OIT3: variants seen among roughly 807,000 people sequenced by gnomAD.
OIT3 encodes oncoprotein-induced transcript 3 protein.
OIT3 carries 41 observed loss-of-function variants against 52.2 expected under a neutral mutation model. The observed-to-expected ratio is 0.79, with a 90% CI of 0.61 to 1.02. The LOEUF (loss-of-function observed/expected upper bound fraction) is 1.02, where lower values mean the gene tolerates loss of function less well. OIT3 is among the 50% of genes least tolerant of loss of function. The pLI, the probability that OIT3 is intolerant of heterozygous loss-of-function variation, is 0.00. For synonymous variants in OIT3, 244 were observed against 276.9 expected (o/e 0.88, Z 1.18); for missense variants, 634 against 715.5 (o/e 0.89, Z 1.30).
chr10:72,899,065 C>A, intron 2 of OIT3, 27 bp downstream of exon 2: 1 of 1,568,204 alleles, frequency 6.4e-7, no homozygotes, highest in Non-Finnish European at 8.7e-7. Flanking sequence ...TGCTCTTTTT[C>A]TCCACCAACA....
intron 5 of OIT3, among the ~76,000 whole-genome samples, chr10:72,912,160 C>T (rs556558288): frequency 6.6e-6 from 1 of 152,110 alleles, no homozygotes; most frequent in South Asian, 2.1e-4. Context: ...AGGGTTGAAA[C>T]TAAGTGAACT....
At chr10:72,925,252 T>A (rs1379733364) in intron 7 of OIT3, among the ~76,000 whole-genome samples, 1 of 151,858 alleles carries the variant, frequency 6.6e-6, no homozygotes, top group Admixed American at 6.6e-5. Flanking sequence ...CAAAATGACA[T>A]ATTGAATAAT....
Position 72,913,376 on chromosome 10 carries a change from C to G in OIT3, c.859C>G (p.Leu287Val). The change falls in exon 6 of 9, where the codon CTC (leucine) becomes GTC (valine). Residue 287 changes from leucine (L) to valine (V), a missense_variant. By Grantham distance (32) the Leu-to-Val change is conservative. Coordinates refer to ENST00000334011, the MANE Select transcript of OIT3 (RefSeq NM_152635.3). ...IPRELVGGLE[L>V]FLTNTSCRGV... ...CAGGGAGCTGGTTGGTGGCCTGGAGCTCTTCCTGACCAACACCTCCTGCCG... is the reference window on the plus strand; with the variant it reads ...CAGGGAGCTGGTTGGTGGCCTGGAGGTCTTCCTGACCAACACCTCCTGCCG... 6 of 1,613,356 alleles carry G rather than the reference C, an allele frequency of 3.7e-6. No homozygotes were observed. Among genetic ancestry groups the G allele is most frequent in the Non-Finnish European group, 5.1e-6 (6 of 1,179,326 alleles).
At chr10:72,910,970 G>T (rs2132936008) in intron 4 of OIT3, among the ~76,000 whole-genome samples, 1 of 152,140 alleles carries the variant, frequency 6.6e-6, no homozygotes, top group African/African-American at 2.4e-5. Context: ...TAATGTCCAA[G>T]TCCCACAAAG....
At chr10:72,909,045 A>G (rs1421449410) in intron 4 of OIT3, among the ~76,000 whole-genome samples, 1 of 150,630 alleles carries the variant, frequency 6.6e-6, no homozygotes, top group African/African-American at 2.4e-5. Flanking sequence ...CAGATGGTGA[A>G]TGTAGTACCC....
chr10:72,929,048 A>C lies in OIT3; in HGVS notation c.1368-1490A>C, dbSNP rs533352432. Among the ~76,000 whole-genome samples the C allele has an allele frequency of 7.2e-5, 11 of 152,180 alleles. 1 individual carries two copies. The South Asian group carries it at 2.3e-3, about 32-fold the overall frequency. ...ACATAGTGAGATCCCATCTCTACAA[A>C]AAATGAAAATTAGCCGGGCATGGTG... On this transcript the variant is annotated intron_variant, in intron 7 of 8. Coordinates refer to ENST00000334011, the MANE Select transcript of OIT3 (RefSeq NM_152635.3).
chr10:72,926,925 ATG>A (rs1846174508), intron 7 of OIT3, among the ~76,000 whole-genome samples: 1 of 152,122 alleles, frequency 6.6e-6, no homozygotes, highest in Non-Finnish European at 1.5e-5. Flanking sequence ...ACAAGTTCTG[ATG>A]TGTATACCCA....
chr10:72,913,248 TA>T, intron 5 of OIT3, 59 bp from the exon 6 acceptor site: 1 of 1,404,214 alleles, frequency 7.1e-7, no homozygotes, highest in Non-Finnish European at 9.7e-7. Context: ...TTATTTCTCC[TA>T]AAAGCCTTCC....
chr10:72,928,585 T>C (rs1179211296), intron 7 of OIT3, among the ~76,000 whole-genome samples: 1 of 152,206 alleles, frequency 6.6e-6, no homozygotes, highest in East Asian at 1.9e-4. Flanking sequence ...TATCTTAAGA[T>C]ACTGGACTGT....
In OIT3 at chr10:72,906,666, C is replaced by CT. The variant is rs1845982190; in HGVS notation, c.616dup (p.Cys206LeufsTer2). ...GTGTGAACCTCAAAAACTCCTACCG[C>CT]TGTGAGTGTGGGGTTGGCCGTGTGC... On this transcript the variant is annotated frameshift_variant, in exon 4 of 9. Coordinates refer to ENST00000334011, the MANE Select transcript of OIT3 (RefSeq NM_152635.3). LOFTEE classifies it high-confidence loss of function. The CT allele has an allele frequency of 6.2e-7, 1 of 1,612,196 alleles. No individual in the cohort carries two copies. Among genetic ancestry groups the CT allele is most frequent in the Non-Finnish European group, 8.5e-7 (1 of 1,179,020 alleles).
rs768439149 is a variant in OIT3, at chr10:72,898,808, C to A, written c.206C>A (p.Ala69Asp). The A allele has an allele frequency of 3.1e-6, 5 of 1,614,104 alleles. No individual in the cohort carries two copies. In the Admixed American group the frequency reaches 8.3e-5, roughly 27 times the overall value. The change falls in exon 2 of 9, where the codon GCC (alanine) becomes GAC (aspartate). Residue 69 changes from alanine (A) to aspartate (D), a missense_variant. Ala to Asp is a moderately radical substitution (Grantham distance 126). Transcript: ENST00000334011. ...CACTTCACGGGCATGGCGGGAGATGCCATGCCTACCTTCTGCATACCAGAA... is the reference window on the plus strand; with the variant it reads ...CACTTCACGGGCATGGCGGGAGATGACATGCCTACCTTCTGCATACCAGAA... ...WYHFTGMAGDAMPTFCIPENH... is the reference protein window; with the variant it reads ...WYHFTGMAGDDMPTFCIPENH...
At chr10:72,925,026 G>T (rs568063348) in intron 7 of OIT3, among the ~76,000 whole-genome samples, 1 of 150,714 alleles carries the variant, frequency 6.6e-6, no homozygotes, top group Non-Finnish European at 1.5e-5. Flanking sequence ...CAGGAGAATC[G>T]CTTGAACCCG....
At chr10:72,894,100 G>C (rs552502944) in intron 1 of OIT3, among the ~76,000 whole-genome samples, 75 of 152,040 alleles carry the variant, frequency 4.9e-4, no homozygotes, top group African/African-American at 1.7e-3. Context: ...GCTTTCACTA[G>C]CTAAAGAGTT....
intron 6 of OIT3, among the ~76,000 whole-genome samples, chr10:72,922,047 G>T (rs1317245190): frequency 6.6e-6 from 1 of 152,122 alleles, no homozygotes; most frequent in African/African-American, 2.4e-5. Context: ...TCTGCTGAAG[G>T]GTCCACTGTT....
chr10:72,926,276 G>A (rs765396346), intron 7 of OIT3, among the ~76,000 whole-genome samples: 4 of 152,168 alleles, frequency 2.6e-5, no homozygotes, highest in African/African-American at 4.8e-5. Context: ...GCCTTCACCT[G>A]CTGCTATCAA....
intron 2 of OIT3, among the ~76,000 whole-genome samples, chr10:72,899,389 G>GT (rs1169432492): frequency 6.6e-6 from 1 of 152,136 alleles, no homozygotes; most frequent in African/African-American, 2.4e-5. Context: ...AAGATCAGGA[G>GT]TTTAAGACCA....
At chr10:72,923,511 G>A (rs188212699) in intron 6 of OIT3, among the ~76,000 whole-genome samples, 3 of 152,096 alleles carry the variant, frequency 2.0e-5, no homozygotes, top group African/African-American at 4.8e-5. Flanking sequence ...CTGTGGTACC[G>A]TTTCCTTCAC....
At chr10:72,895,196 A>C (rs1366824281) in intron 1 of OIT3, among the ~76,000 whole-genome samples, 3 of 152,190 alleles carry the variant, frequency 2.0e-5, no homozygotes, top group Non-Finnish European at 4.4e-5. Context: ...ATTCCAAAAA[A>C]TATGCTTGAG....
chr10:72,921,191 T>G (rs1169182633), intron 6 of OIT3, among the ~76,000 whole-genome samples: 5 of 152,230 alleles, frequency 3.3e-5, no homozygotes, highest in Admixed American at 2.0e-4. Context: ...CTTTGTCTTC[T>G]TTGATCTTTG....
Sources: allele counts gnomAD v4.1 joint callset (sites outside exome capture counted in the v4.1 genomes callset), GRCh38; gene constraint gnomAD v4.1.1; transcripts MANE v1.5; gene names NCBI Gene and HGNC (gene_info 2026-07-23, HGNC 2026-07-21).